The following ADCY1 variants were observed in gnomAD, a reference collection of about 807,000 sequenced individuals.
ADCY1 encodes the protein adenylate cyclase type 1.
Under a neutral mutation model 105.4 loss-of-function variants are expected in ADCY1, and 28 were observed. The ratio of observed to expected loss-of-function variants is 0.27; its 90% CI spans 0.20 to 0.36. ADCY1 has a LOEUF of 0.36. Among genes scored for constraint, ADCY1 ranks in the 10% least tolerant of loss-of-function variants. The pLI, the probability that ADCY1 is intolerant of heterozygous loss-of-function variation, is 1.00. For missense variants in ADCY1, 977 were observed against 1,434.2 expected (o/e 0.68, Z 5.15); for synonymous variants, 655 against 623.8 (o/e 1.05, Z -0.75).
At chr7:45,596,449 G>C (rs1021159437) in intron 2 of ADCY1, among the ~76,000 whole-genome samples, 1 of 152,138 alleles carries the variant, frequency 6.6e-6, no homozygotes, top group Non-Finnish European at 1.5e-5. Context: ...CAGTCTGGGA[G>C]GGCTTCTGGG....
Position 45,715,277 on chromosome 7 carries a change from C to G in ADCY1, c.*1282C>G, listed in dbSNP as rs1318314953. On this transcript the variant is annotated 3_prime_UTR_variant, in exon 20 of 20. Coordinates refer to ENST00000297323, the MANE Select transcript of ADCY1 (RefSeq NM_021116.4). ...TGGATCTCGGTCACAGGGAGGAAGG[C>G]AGCTAGAAATGGGAGGGAAGCTTCT... 1 of 152,466 alleles carries G rather than the reference C, an allele frequency of 6.6e-6. No individual in the cohort carries two copies. Among genetic ancestry groups the G allele is most frequent in the Non-Finnish European group, 1.5e-5 (1 of 68,274 alleles). 9.4% of individuals were successfully genotyped at this position (152,466 alleles called of 1,614,324 possible).
rs1219978330 is a variant in ADCY1 at position 45,703,874 on chromosome 7, G to A, written c.2718+128G>A. On this transcript the variant is annotated intron_variant, in intron 16 of 19. Coordinates refer to ENST00000297323, the MANE Select transcript of ADCY1 (RefSeq NM_021116.4). The surrounding 1 kb of genome is among the most constrained non-coding windows in gnomAD (Gnocchi z 5.9). ...AATGAGAGAAAGCAAATCCCGGGAAGCACAGGCATTCTGTCTCCTTTGGGA... is the reference window on the plus strand; with the variant it reads ...AATGAGAGAAAGCAAATCCCGGGAAACACAGGCATTCTGTCTCCTTTGGGA... 2.2e-6 allele frequency: 3 copies of A among 1,336,906 alleles called. No homozygotes were observed. In the East Asian group the frequency reaches 7.1e-5, roughly 32 times the overall value. 82.8% of individuals were successfully genotyped at this position (1,336,906 alleles called of 1,614,324 possible). A position where few individuals can be genotyped will look rare whatever the true frequency, so the allele number is the denominator to read the frequency against.
At chr7:45,635,642 G>T (rs2115998169) in intron 4 of ADCY1, among the ~76,000 whole-genome samples, 1 of 128,398 alleles carries the variant, frequency 7.8e-6, no homozygotes, top group African/African-American at 3.1e-5. Flanking sequence ...AGACCCATGG[G>T]TTATTTAGAG....
intron 6 of ADCY1, 110 bp from the exon 7 acceptor site, chr7:45,659,932 C>T: frequency 2.2e-6 from 3 of 1,390,702 alleles, no homozygotes; most frequent in Non-Finnish European, 3.0e-6. Context: ...GTGGAGCCTG[C>T]CCTGGTGTGG....
chr7:45,592,325 C>A (rs1476189770), intron 1 of ADCY1, among the ~76,000 whole-genome samples: 1 of 152,152 alleles, frequency 6.6e-6, no homozygotes, highest in Non-Finnish European at 1.5e-5. Flanking sequence ...TCCCTCTGTG[C>A]CCTCACAGAG....
intron 8 of ADCY1, among the ~76,000 whole-genome samples, chr7:45,668,574 A>T (rs1353521563): frequency 6.6e-6 from 1 of 152,204 alleles, no homozygotes; most frequent in African/African-American, 2.4e-5. Flanking sequence ...TATCAGGGAT[A>T]TTGGTCTAAA....
chr7:45,703,208 A>G lies in ADCY1; in HGVS notation c.2455-168A>G, dbSNP rs557194450. ...AGACATCTGCAGATCTTCCCTACCCAGTAACATGGATCTAGTCTTGCATCT... is the reference window on the plus strand; with the variant it reads ...AGACATCTGCAGATCTTCCCTACCCGGTAACATGGATCTAGTCTTGCATCT... On this transcript the variant is annotated intron_variant, in intron 14 of 19. Transcript: ENST00000297323. The surrounding 1 kb of genome is among the most constrained non-coding windows in gnomAD (Gnocchi z 5.9). 1.3e-5 allele frequency among the ~76,000 whole-genome samples: 2 copies of G among 152,284 alleles called. No homozygotes were observed. The highest frequency in any genetic ancestry group is 4.1e-4 in the South Asian group (2 of 4,826).
At chr7:45,706,512 A>AAAAAAAAAAAAG (rs1554332713) in intron 17 of ADCY1, among the ~76,000 whole-genome samples, 3 of 135,448 alleles carry the variant, frequency 2.2e-5, no homozygotes, top group Non-Finnish European at 3.2e-5. Context: ...AAAAAAAAAA[A>AAAAAAAAAAAAG]AGAATATAGA....
At position 45,686,928 on chromosome 7, in the gene ADCY1, A is replaced by G. The variant is rs1464437765; in HGVS notation, c.2454+255A>G. Among the ~76,000 whole-genome samples the G allele has an allele frequency of 6.6e-6, 1 of 152,140 alleles. No homozygotes were observed. The highest frequency in any genetic ancestry group is 1.5e-5 in the Non-Finnish European group (1 of 68,016). On this transcript the variant is annotated intron_variant, in intron 14 of 19. Transcript: ENST00000297323. This position sits in a 1 kb window ranked among gnomAD's most constrained non-coding sequence, Gnocchi z 4.3. ...GGTGCATGTTGTGGAGACCTGCCTG[A>G]TGGTCAGAGCGTGGCTCTTTCACGA...
intron 2 of ADCY1, among the ~76,000 whole-genome samples, chr7:45,598,368 A>T (rs189322577): frequency 6.6e-6 from 1 of 152,232 alleles, no homozygotes; most frequent in Admixed American, 6.5e-5. Context: ...AATGCTCCAA[A>T]GGGGTGTGAA....
intron 8 of ADCY1, among the ~76,000 whole-genome samples, chr7:45,665,253 C>T (rs1296816166): frequency 6.6e-6 from 1 of 152,184 alleles, no homozygotes. Context: ...GTGGACAGAG[C>T]TTTTGGTCAT....
At chr7:45,697,609 T>C (rs914363577) in intron 14 of ADCY1, among the ~76,000 whole-genome samples, 1 of 152,068 alleles carries the variant, frequency 6.6e-6, no homozygotes, top group Non-Finnish European at 1.5e-5. Flanking sequence ...AGGCTGGTCT[T>C]GAATTCCTGA....
chr7:45,693,562 GGA>G, intron 14 of ADCY1, among the ~76,000 whole-genome samples: 1 of 150,448 alleles, frequency 6.6e-6, no homozygotes, highest in Non-Finnish European at 1.5e-5. Flanking sequence ...TTTAGTCTTG[GGA>G]GAGTGTATGT....
chr7:45,689,240 T>A (rs1247485382), intron 14 of ADCY1, among the ~76,000 whole-genome samples: 1 of 152,118 alleles, frequency 6.6e-6, no homozygotes, highest in East Asian at 1.9e-4. Flanking sequence ...CAGGCCCTAA[T>A]TCCTGCTGGG....
At chr7:45,583,160 A>G (rs1488305148) in intron 1 of ADCY1, among the ~76,000 whole-genome samples, 3 of 152,164 alleles carry the variant, frequency 2.0e-5, no homozygotes, top group African/African-American at 7.2e-5. Flanking sequence ...GTGTGACTGT[A>G]CACATCGTGT....
chr7:45,641,819 G>A (rs1414452580), intron 4 of ADCY1, among the ~76,000 whole-genome samples: 2 of 142,644 alleles, frequency 1.4e-5, no homozygotes, highest in Admixed American at 7.0e-5. Context: ...CCAGCTACTC[G>A]GGAGGCTGAG....
chr7:45,674,017 TG>T (rs1350252141), intron 8 of ADCY1, among the ~76,000 whole-genome samples: 2 of 136,728 alleles, frequency 1.5e-5, no homozygotes, highest in Non-Finnish European at 3.1e-5. Flanking sequence ...ATGTTTTTGT[TG>T]TTTTTTTTTT....
intron 1 of ADCY1, among the ~76,000 whole-genome samples, chr7:45,583,352 G>A (rs891778485): frequency 6.6e-6 from 1 of 152,202 alleles, no homozygotes; most frequent in Admixed American, 6.5e-5. Context: ...AGTGTGGTGG[G>A]GTCCCCAGAA....
intron 4 of ADCY1, among the ~76,000 whole-genome samples, chr7:45,632,941 G>A (rs780560387): frequency 2.6e-5 from 4 of 151,878 alleles, no homozygotes; most frequent in Admixed American, 6.6e-5. Context: ...TTTTTTAGAC[G>A]GAGTCTTGCT....
Sources: allele counts gnomAD v4.1 joint callset (sites outside exome capture counted in the v4.1 genomes callset), GRCh38; gene constraint gnomAD v4.1.1; non-coding constraint Gnocchi (gnomAD v3.1); transcripts MANE v1.5; gene names NCBI Gene and HGNC (gene_info 2026-07-23, HGNC 2026-07-21).